The following PTPRT variants were observed in gnomAD, a reference collection of about 807,000 sequenced individuals.
The protein encoded by PTPRT is protein tyrosine phosphatase receptor type T, also known as receptor-type tyrosine-protein phosphatase T.
In PTPRT, 56 loss-of-function variants were observed where a neutral mutation model predicts 176.8. The ratio of observed to expected loss-of-function variants is 0.32; its 90% CI spans 0.26 to 0.40. The LOEUF (loss-of-function observed/expected upper bound fraction) is 0.40, where lower values mean the gene tolerates loss of function less well. Among genes scored for constraint, PTPRT ranks in the 10% least tolerant of loss-of-function variants. The pLI is 1.00. For synonymous variants in PTPRT, 783 were observed against 739.0 expected (o/e 1.06, Z -0.96); for missense variants, 1,540 against 1,908.2 (o/e 0.81, Z 3.60).
chr20:42,032,624 T>A, the PTPRT span, among the ~76,000 whole-genome samples: 3 of 152,208 alleles, frequency 2.0e-5, no homozygotes, highest in African/African-American at 7.2e-5. Flanking sequence ...CTTTGTGTAA[T>A]CCCCTCCTTT....
chr20:42,592,268 C>T (rs2073593807), intron 7 of PTPRT, among the ~76,000 whole-genome samples: 1 of 152,106 alleles, frequency 6.6e-6, no homozygotes, highest in African/African-American at 2.4e-5. Context: ...AGCCACCGCA[C>T]CCAGCTTTGC....
At chr20:42,319,381 T>A (rs1816855479) in intron 11 of PTPRT, among the ~76,000 whole-genome samples, 1 of 151,402 alleles carries the variant, frequency 6.6e-6, no homozygotes. Flanking sequence ...CCCAACCAAC[T>A]CCATATGAAA....
intron 6 of PTPRT, among the ~76,000 whole-genome samples, chr20:42,683,435 G>A (rs970162224): frequency 3.9e-5 from 6 of 151,914 alleles, no homozygotes; most frequent in African/African-American, 9.7e-5. Flanking sequence ...CTGTCACCAC[G>A]TCCAGCTAAT....
At chr20:42,457,179 G>A (rs974964685) in intron 8 of PTPRT, among the ~76,000 whole-genome samples, 3 of 152,018 alleles carry the variant, frequency 2.0e-5, no homozygotes, top group African/African-American at 7.2e-5. Flanking sequence ...CTGTGACCTT[G>A]CTTTTCCTTA....
At chr20:42,685,761 A>T (rs1483752374) in intron 6 of PTPRT, 1 of 152,084 alleles carries the variant, frequency 6.6e-6, no homozygotes, top group Non-Finnish European at 1.5e-5. Context: ...TCTGTTTCTT[A>T]TTTGATTTTT....
chr20:42,832,646 T>C (rs2078108950), intron 2 of PTPRT, among the ~76,000 whole-genome samples: 1 of 147,600 alleles, frequency 6.8e-6, no homozygotes. Flanking sequence ...TAAATAAAAA[T>C]TGCAATAGAT....
chr20:42,691,230 CA>C (rs1208950117), intron 6 of PTPRT, among the ~76,000 whole-genome samples: 3 of 152,148 alleles, frequency 2.0e-5, no homozygotes, highest in Non-Finnish European at 4.4e-5. Context: ...ACAAATATGA[CA>C]AGATGACAAA....
At chr20:42,086,753 A>ATAT (rs60067837) in intron 27 of PTPRT, among the ~76,000 whole-genome samples, 3 of 95,534 alleles carry the variant, frequency 3.1e-5, no homozygotes, top group Non-Finnish European at 5.9e-5. Context: ...AAAAAAAAAA[A>ATAT]ATATATATAT....
At chr20:42,451,983 A>C (rs1568891828) in intron 8 of PTPRT, among the ~76,000 whole-genome samples, 2 of 152,182 alleles carry the variant, frequency 1.3e-5, no homozygotes. Flanking sequence ...AAAGATTCAA[A>C]ATAGAGGCTG....
intron 1 of PTPRT, among the ~76,000 whole-genome samples, chr20:43,003,550 C>A (rs1568728222): frequency 6.6e-6 from 1 of 152,168 alleles, no homozygotes; most frequent in Non-Finnish European, 1.5e-5. Context: ...AAAATGTCGG[C>A]CCTGAGCCAG....
chr20:42,732,608 G>C (rs188650252), intron 6 of PTPRT, among the ~76,000 whole-genome samples: 1 of 152,248 alleles, frequency 6.6e-6, no homozygotes, highest in Non-Finnish European at 1.5e-5. Context: ...AAACCACAGA[G>C]GTAAAAGCAT....
intron 7 of PTPRT, among the ~76,000 whole-genome samples, chr20:42,555,708 G>A (rs2072849658): frequency 6.6e-6 from 1 of 152,168 alleles, no homozygotes; most frequent in Non-Finnish European, 1.5e-5. Context: ...AATGGAATAT[G>A]AGCAGGTATT....
At chr20:42,166,122 G>A (rs528492369) in intron 16 of PTPRT, among the ~76,000 whole-genome samples, 1 of 152,288 alleles carries the variant, frequency 6.6e-6, no homozygotes, top group South Asian at 2.1e-4. Context: ...ACAGACACTG[G>A]TAAATGGTAG....
intron 7 of PTPRT, among the ~76,000 whole-genome samples, chr20:42,604,071 C>T (rs1467968972): frequency 1.3e-5 from 2 of 152,158 alleles, no homozygotes; most frequent in Non-Finnish European, 2.9e-5. Flanking sequence ...CACCAAGTGT[C>T]GGCAAACAGT....
rs6030285 is a variant in PTPRT, at chr20:42,494,222, G to A, written c.1154-21660C>T. 2.6e-3 allele frequency among the ~76,000 whole-genome samples: 399 copies of A among 151,976 alleles called. 2 individuals carry two copies. Among genetic ancestry groups the A allele is most frequent in the African/African-American group, 8.7e-3 (362 of 41,456 alleles). ...TGAGATCACTGCATCTTTTGTTCTT[G>A]GAAAAATAATGTGGCAAAAAGACAC... On this transcript the variant is annotated intron_variant, in intron 7 of 30. Transcript: ENST00000373187.
intron 7 of PTPRT, among the ~76,000 whole-genome samples, chr20:42,482,856 A>T (rs559009803): frequency 3.9e-5 from 6 of 152,142 alleles, no homozygotes; most frequent in Admixed American, 3.9e-4. Flanking sequence ...GTTTTGGGGG[A>T]CATAGTGTTA....
At chr20:42,742,311 C>T (rs1020479142) in intron 6 of PTPRT, among the ~76,000 whole-genome samples, 8 of 152,184 alleles carry the variant, frequency 5.3e-5, no homozygotes, top group Admixed American at 6.5e-5. Context: ...GCCATCAAGG[C>T]GAGAAGGGCC....
intron 9 of PTPRT, among the ~76,000 whole-genome samples, chr20:42,443,153 C>T (rs1462227721): frequency 5.3e-5 from 8 of 152,224 alleles, no homozygotes. Context: ...GCAATGACTG[C>T]AATGTTTTCA....
intron 27 of PTPRT, among the ~76,000 whole-genome samples, chr20:42,091,234 G>A (rs2866947): frequency 0.68 from 103,833 of 152,094 alleles, 36,180 homozygotes; most frequent in African/African-American, 0.82. Flanking sequence ...TGCTCTCCAT[G>A]GCTGTTTGGG....
Sources: gnomAD v4.1 joint callset for allele counts (sites outside exome capture counted in the v4.1 genomes callset) on GRCh38, gnomAD v4.1.1 for gene constraint, MANE v1.5 for transcripts, NCBI Gene and HGNC (gene_info 2026-07-23, HGNC 2026-07-21) for gene names.